FBXL13: variants seen among roughly 807,000 people sequenced by gnomAD.
FBXL13 encodes F-box and leucine-rich repeat protein 13.
A neutral mutation model predicts 83.6 loss-of-function variants in FBXL13; 67 were observed. That is an observed-to-expected ratio of 0.80 (90% confidence interval 0.66 to 0.98). The LOEUF is 0.98. Ranked by LOEUF, FBXL13 falls within the 50% of genes least tolerant of loss-of-function variation. The probability of loss-of-function intolerance (pLI) is 0.00; values close to 1 mark genes in which losing one functional copy is unlikely to be tolerated. For synonymous variants in FBXL13, 272 were observed against 299.5 expected, an observed-to-expected ratio of 0.91 and a Z score of 0.95; for missense variants, 822 against 866.5, an observed-to-expected ratio of 0.95 and a Z score of 0.64.
At chr7:102,961,758 G>A (rs1300343523) in intron 8 of FBXL13, among the ~76,000 whole-genome samples, 47 of 139,498 alleles carry the variant, frequency 3.4e-4, no homozygotes, top group African/African-American at 6.4e-4. Flanking sequence ...TTTAATAAAT[G>A]GTGCTGGGAA....
chr7:103,074,568 T>C, exon 1 of FBXL13: 1 of 1,229,164 alleles, frequency 8.1e-7, no homozygotes, highest in Non-Finnish European at 1.1e-6. Flanking sequence ...TCTCGCATTC[T>C]GCCCCGCCTT....
intron 8 of FBXL13, among the ~76,000 whole-genome samples, chr7:102,959,281 A>G (rs1185585332): frequency 6.6e-6 from 1 of 152,130 alleles, no homozygotes; most frequent in Non-Finnish European, 1.5e-5. Flanking sequence ...TAAAAAATGT[A>G]CAGACACAGT....
chr7:102,969,671 G>A lies in FBXL13; in HGVS notation c.496-1554C>T, dbSNP rs143610908. ...TAAAAATACAAAAATTATTGCACAC[G>A]TCTGTAATCCCAGCTACTCGGGAGG... is the stretch of plus-strand genomic sequence containing the variant. On this transcript the variant is annotated intron_variant, in intron 6 of 19. Transcript: ENST00000313221. Among the ~76,000 whole-genome samples the A allele has an allele frequency of 3.8e-3, 570 of 151,576 alleles. 4 individuals are homozygous for A. The highest frequency in any genetic ancestry group is 0.014 in the African/African-American group (561 of 41,336).
intron 10 of FBXL13, among the ~76,000 whole-genome samples, chr7:102,914,714 C>T (rs529944889): frequency 3.9e-5 from 6 of 152,268 alleles, no homozygotes; most frequent in Admixed American, 1.3e-4. Context: ...TTCGACAGAG[C>T]GAGGGGGAAG....
In FBXL13 at chr7:103,072,342, G is replaced by C. The variant is rs1376728876; in HGVS notation, c.-105+1904C>G. Among the ~76,000 whole-genome samples the C allele has an allele frequency of 3.3e-5, 5 of 152,278 alleles. No homozygotes were observed. The East Asian group carries it at 5.8e-4, about 18-fold the overall frequency. On this transcript the variant is annotated intron_variant, in intron 1 of 19. Transcript: ENST00000313221. ...GTGGGGCCCAGAGGATTGCTCCTTTGCACTTCCTGCTAGTGTGCTAGCAGA... is the reference window on the plus strand; with the variant it reads ...GTGGGGCCCAGAGGATTGCTCCTTTCCACTTCCTGCTAGTGTGCTAGCAGA...
At chr7:102,839,341 G>C (rs1323222796) in intron 17 of FBXL13, among the ~76,000 whole-genome samples, 1 of 152,198 alleles carries the variant, frequency 6.6e-6, no homozygotes, top group African/African-American at 2.4e-5. Context: ...AATAATGAGG[G>C]AACTCAGAGA....
At chr7:102,915,513 T>A (rs1349634905) in intron 10 of FBXL13, among the ~76,000 whole-genome samples, 1 of 152,156 alleles carries the variant, frequency 6.6e-6, no homozygotes, top group Non-Finnish European at 1.5e-5. Context: ...ACACCTAGTA[T>A]TCAATTTCTT....
intron 8 of FBXL13, among the ~76,000 whole-genome samples, chr7:102,956,824 C>G (rs1271943773): frequency 6.6e-6 from 1 of 152,114 alleles, no homozygotes; most frequent in Non-Finnish European, 1.5e-5. Context: ...ATACAACTTA[C>G]AAGGGATGTG....
At chr7:102,870,261 A>T (rs1808348410) in intron 16 of FBXL13, among the ~76,000 whole-genome samples, 1 of 152,220 alleles carries the variant, frequency 6.6e-6, no homozygotes, top group Non-Finnish European at 1.5e-5. Context: ...TATACAGCAC[A>T]TTAGGAACTC....
At chr7:103,004,886 A>C (rs1169441928) in intron 6 of FBXL13, among the ~76,000 whole-genome samples, 1 of 152,220 alleles carries the variant, frequency 6.6e-6, no homozygotes, top group Non-Finnish European at 1.5e-5. Context: ...CTACTCTGCC[A>C]GTTTGGAGAC....
At chr7:102,901,113 T>C (rs1268549421) in intron 11 of FBXL13, among the ~76,000 whole-genome samples, 2 of 152,178 alleles carry the variant, frequency 1.3e-5, no homozygotes, top group East Asian at 1.9e-4. Flanking sequence ...CTCCAGCCCA[T>C]TGTGGCCATA....
chr7:102,846,892 G>A (rs1379586440), intron 17 of FBXL13, among the ~76,000 whole-genome samples: 6 of 152,052 alleles, frequency 3.9e-5, no homozygotes, highest in East Asian at 1.9e-4. Flanking sequence ...GCTCACTGAC[G>A]GTGGCTGTCT....
At chr7:102,862,669 G>T (rs1807040677) in intron 16 of FBXL13, among the ~76,000 whole-genome samples, 1 of 152,144 alleles carries the variant, frequency 6.6e-6, no homozygotes, top group African/African-American at 2.4e-5. Context: ...ATACATAGAT[G>T]AACAGTTTTA....
chr7:103,024,135 AAGAGAGAGAG>A (rs59206823), intron 6 of FBXL13, among the ~76,000 whole-genome samples: 2,070 of 96,664 alleles, frequency 0.021, 45 homozygotes, highest in East Asian at 0.032. Flanking sequence ...AAAAGTTAAA[AAGAGAGAGAG>A]AGAGAGAGAG....
intron 6 of FBXL13, among the ~76,000 whole-genome samples, chr7:102,968,726 CCTTATAAACCCAGA>C (rs1826260237): frequency 2.6e-5 from 4 of 152,204 alleles, no homozygotes; most frequent in Non-Finnish European, 5.9e-5. Context: ...AGGACCCAAT[CCTTATAAACCCAGA>C]CTGATAATAA....
intron 1 of FBXL13, among the ~76,000 whole-genome samples, chr7:103,064,680 T>C (rs745331578): frequency 5.3e-5 from 8 of 152,232 alleles, no homozygotes; most frequent in African/African-American, 7.2e-5. Flanking sequence ...GCCTTTGTTA[T>C]ACCTCCCATC....
At chr7:103,007,462 T>TAA (rs528247275) in intron 6 of FBXL13, among the ~76,000 whole-genome samples, 1 of 152,048 alleles carries the variant, frequency 6.6e-6, no homozygotes, top group African/African-American at 2.4e-5. Flanking sequence ...TGAATAAACT[T>TAA]AAAAAAACCT....
Position 102,826,769 on chromosome 7 carries a change from A to ATATATATATG in FBXL13, c.1855-4567_1855-4566insCATATATATA, listed in dbSNP as rs1414065543. 7.3e-3 allele frequency among the ~76,000 whole-genome samples: 733 copies of ATATATATATG among 100,638 alleles called. 43 individuals carry two copies. Among genetic ancestry groups the ATATATATATG allele is most frequent in the Non-Finnish European group, 8.6e-3 (429 of 49,888 alleles). The allele number at this position is 100,638 out of a possible 152,430, so 66.0% of individuals were successfully genotyped here. On this transcript the variant is annotated intron_variant, in intron 18 of 19. Coordinates refer to ENST00000313221, the Ensembl canonical transcript of FBXL13. ...TATATATATATATATATATATATAT[A>ATATATATATG]TATGTATATATATCTCTAATATATT...
chr7:102,857,101 A>C (rs12667218), intron 16 of FBXL13, among the ~76,000 whole-genome samples: 29,168 of 152,064 alleles, frequency 0.19, 3,083 homozygotes, highest in East Asian at 0.43. Flanking sequence ...AGACTAAAGA[A>C]TTAAACATAA....
Sources: allele counts gnomAD v4.1 joint callset (sites outside exome capture counted in the v4.1 genomes callset), GRCh38; gene constraint gnomAD v4.1.1; transcripts MANE v1.5; gene names NCBI Gene and HGNC (gene_info 2026-07-23, HGNC 2026-07-21).